The following RTEL1 variants were observed in gnomAD, a reference collection of about 807,000 sequenced individuals.
The protein encoded by RTEL1 is regulator of telomere length.
In RTEL1, 86 loss-of-function variants were observed where a neutral mutation model predicts 162.2. The ratio of observed to expected loss-of-function variants is 0.53; its 90% CI spans 0.45 to 0.63. The LOEUF is 0.63. Ranked by LOEUF, RTEL1 falls within the 30% of genes least tolerant of loss-of-function variation. The pLI, the probability that RTEL1 is intolerant of heterozygous loss-of-function variation, is 0.00. For synonymous variants in RTEL1, 958 were observed against 717.9 expected (o/e 1.33, Z -5.35); for missense variants, 1,941 against 1,750.2 (o/e 1.11, Z -1.95).
chr20:63,662,708 C>T (rs999812263), intron 5 of RTEL1, 81 bp downstream of exon 5: 14 of 1,603,416 alleles, frequency 8.7e-6, no homozygotes, highest in African/African-American at 2.7e-5. Context: ...GCTGCGCTCC[C>T]GCTGGGCTAG....
chr20:63,689,998 C>T, intron 24 of RTEL1, 89 bp from the exon 25 acceptor site: 1 of 1,566,844 alleles, frequency 6.4e-7, no homozygotes. Flanking sequence ...CAGCGTGGGG[C>T]CCCTGCAGCA....
chr20:63,685,170 G>C (rs2090563757), intron 14 of RTEL1, among the ~76,000 whole-genome samples: 1 of 151,886 alleles, frequency 6.6e-6, no homozygotes, highest in South Asian at 2.1e-4. Context: ...TTACAGGCCT[G>C]AGCCACTGCA....
chr20:63,688,886 G>A, intron 21 of RTEL1, 169 bp from the exon 22 acceptor site: 1 of 724,008 alleles, frequency 1.4e-6, no homozygotes. Context: ...GCACTGAGCA[G>A]GCGTGGGGTC....
rs150564915 is a variant in RTEL1, at chr20:63,692,836, G to C, written c.2684G>C (p.Arg895Thr). The change falls in exon 29 of 35, where the codon AGG becomes ACG. Residue 895 changes from arginine to threonine, a missense_variant. Transcript: ENST00000360203. ...CCCGTGGCTGGTGCACAGACGGACA[G>C]GGCCAAGCTCTTCATGGTGGCCGTG... is the stretch of plus-strand genomic sequence containing the variant. ...EEPVAGAQTDRAKLFMVAVKQ... is the reference protein window; with the variant it reads ...EEPVAGAQTDTAKLFMVAVKQ... The C allele has an allele frequency of 3.2e-5, 52 of 1,612,440 alleles. No homozygotes were observed. Among genetic ancestry groups the C allele is most frequent in the Middle Eastern group, 1.7e-4 (1 of 6,036 alleles).
rs537705210 is a variant in RTEL1 at position 63,687,533 on chromosome 20, T to C, written c.1349-105T>C. ...CCTGGGTGGCTGCCCGCGGCTCGCTTGCTTGATGCCAGTGGGTGGAGAGGG... is the reference window on the plus strand; with the variant it reads ...CCTGGGTGGCTGCCCGCGGCTCGCTCGCTTGATGCCAGTGGGTGGAGAGGG... On this transcript the variant is annotated intron_variant, in intron 16 of 34. Transcript: ENST00000360203. 16 of 1,310,418 alleles carry C rather than the reference T, an allele frequency of 1.2e-5. No homozygotes were observed. The East Asian group carries it at 3.0e-4, about 25-fold the overall frequency. 81.2% of individuals were successfully genotyped at this position (1,310,418 alleles called of 1,614,324 possible).
Position 63,680,867 on chromosome 20 carries a change from T to C in RTEL1, c.1191+148T>C, listed in dbSNP as rs1408117519. 4.7e-6 allele frequency: 7 copies of C among 1,488,766 alleles called. No individual in the cohort carries two copies. The East Asian group carries it at 1.7e-4, about 36-fold the overall frequency. The allele number at this position is 1,488,766 out of a possible 1,614,324, so 92.2% of individuals were successfully genotyped here. A position where few individuals can be genotyped will look rare whatever the true frequency, so the allele number is the denominator to read the frequency against. ...TTCTGATTGGCAAACTCTCGGCTCC[T>C]TTCCAGTGCCCTAAACCCACACTGG... On this transcript the variant is annotated intron_variant, in intron 14 of 34. Coordinates refer to ENST00000360203, the MANE Select transcript of RTEL1 (RefSeq NM_001283009.2).
In RTEL1 at chr20:63,690,186, G is replaced by C. The variant is rs763978487; in HGVS notation, c.2241G>C (p.Gln747His). 1 of 1,612,488 alleles carries C rather than the reference G, an allele frequency of 6.2e-7. No homozygotes were observed. Among genetic ancestry groups the C allele is most frequent in the Non-Finnish European group, 8.5e-7 (1 of 1,179,768 alleles). ...GCCATGTCATCCGAGACGTGGCCCAGTTCTTCCGTGTTGCCGAGCGAACTG... is the reference window on the plus strand; with the variant it reads ...GCCATGTCATCCGAGACGTGGCCCACTTCTTCCGTGTTGCCGAGCGAACTG... ...NFGHVIRDVA[Q>H]FFRVAERTMP... The change falls in exon 25 of 35, where the codon CAG becomes CAC. Residue 747 changes from glutamine (Q) to histidine (H), a missense_variant. Physicochemically the swap from Gln to His is conservative, Grantham distance 24. Coordinates refer to ENST00000360203, the MANE Select transcript of RTEL1 (RefSeq NM_001283009.2).
In RTEL1 at chr20:63,690,369, G is replaced by A. The variant is rs762616643; in HGVS notation, c.2341G>A (p.Gly781Ser). The change falls in exon 26 of 35, where the codon GGC becomes AGC. Residue 781 changes from glycine to serine, a missense_variant. Gly to Ser is a moderately conservative substitution (Grantham distance 56). Coordinates refer to ENST00000360203, the MANE Select transcript of RTEL1 (RefSeq NM_001283009.2). Reference sequence around the variant, plus strand: ...TGCTGTCAGCGAGGCCAAGTCGCCTGGCCCCTTCTTCTCCACCAGGAAAGC... The same window carrying A: ...TGCTGTCAGCGAGGCCAAGTCGCCTAGCCCCTTCTTCTCCACCAGGAAAGC... Reference protein sequence around the residue: ...EDAVSEAKSPGPFFSTRKAKS... With the variant: ...EDAVSEAKSPSPFFSTRKAKS... The A allele has an allele frequency of 3.1e-6, 5 of 1,611,822 alleles. No homozygotes were observed. The highest frequency in any genetic ancestry group is 4.2e-6 in the Non-Finnish European group (5 of 1,179,446).
At chr20:63,676,894 C>T (rs1257739984) in intron 10 of RTEL1, among the ~76,000 whole-genome samples, 2 of 128,876 alleles carry the variant, frequency 1.6e-5, no homozygotes, top group African/African-American at 6.3e-5. Flanking sequence ...GAGATCGCAC[C>T]ATTGCACTCC....
intron 8 of RTEL1, among the ~76,000 whole-genome samples, chr20:63,671,010 C>T (rs1263405204): frequency 6.6e-6 from 1 of 152,142 alleles, no homozygotes; most frequent in Non-Finnish European, 1.5e-5. Context: ...CGATGAGTCT[C>T]GGACATGCTA....
chr20:63,667,006 A>G (rs1227710966), intron 7 of RTEL1, among the ~76,000 whole-genome samples: 1 of 150,776 alleles, frequency 6.6e-6, no homozygotes, highest in Non-Finnish European at 1.5e-5. Context: ...CGTCTGGCTA[A>G]TTTTCTGTAT....
chr20:63,686,173 G>A (rs187880917), intron 16 of RTEL1: 13 of 482,180 alleles, frequency 2.7e-5, no homozygotes, highest in African/African-American at 5.9e-5. Flanking sequence ...TGCCGAGGCC[G>A]TCAGCACAGA....
intron 7 of RTEL1, among the ~76,000 whole-genome samples, chr20:63,666,609 C>T (rs2090133562): frequency 6.6e-6 from 1 of 152,172 alleles, no homozygotes; most frequent in Non-Finnish European, 1.5e-5. Flanking sequence ...AGTCTTGGCT[C>T]ACTGCAGCCT....
chr20:63,667,578 C>T (rs1195886782), intron 8 of RTEL1, 25 bp downstream of exon 8: 10 of 1,577,792 alleles, frequency 6.3e-6, no homozygotes, highest in East Asian at 2.2e-5. Flanking sequence ...CTGTAGCTGA[C>T]GACTCCTGAT....
chr20:63,690,494 G>GGGT, intron 26 of RTEL1, 53 bp downstream of exon 26: 1 of 1,336,830 alleles, frequency 7.5e-7, no homozygotes, highest in Non-Finnish European at 1.0e-6. Flanking sequence ...AGCGGGCGGC[G>GGGT]TGGGGCGGGC....
chr20:63,674,016 A>G lies in RTEL1; in HGVS notation c.842A>G (p.Gln281Arg). ...DLASGLDVID[Q>R]VLEEQTKAAQ... is the part of the protein sequence containing the mutation. ...GCTTCAGGACTGGACGTCATAGACC[A>G]GGTGCTGGAGGAGCAGACCAAGGCA... The change falls in exon 10 of 35, where the codon CAG becomes CGG. Residue 281 changes from glutamine (Q) to arginine (R), a missense_variant. Coordinates refer to ENST00000360203, the MANE Select transcript of RTEL1 (RefSeq NM_001283009.2). 6.2e-7 allele frequency: 1 copy of G among 1,614,138 alleles called. No homozygotes were observed. Among genetic ancestry groups the G allele is most frequent in the Non-Finnish European group, 8.5e-7 (1 of 1,180,026 alleles).
chr20:63,667,839 C>T (rs923977501), intron 8 of RTEL1, among the ~76,000 whole-genome samples: 1 of 152,080 alleles, frequency 6.6e-6, no homozygotes, highest in South Asian at 2.1e-4. Context: ...TTGATCCTGA[C>T]AGCTCAGGTT....
intron 14 of RTEL1, chr20:63,681,223 C>A: frequency 1.0e-6 from 1 of 985,448 alleles, no homozygotes; most frequent in Non-Finnish European, 1.2e-6. Flanking sequence ...CTGCAATGCC[C>A]GTCCCATGTG....
At chr20:63,664,646 T>A (rs2090088670) in intron 6 of RTEL1, among the ~76,000 whole-genome samples, 1 of 152,198 alleles carries the variant, frequency 6.6e-6, no homozygotes, top group Admixed American at 6.5e-5. Context: ...GGAGGTTGCC[T>A]AGCCGTGAAC....
Sources: gnomAD v4.1 joint callset for allele counts (sites outside exome capture counted in the v4.1 genomes callset) on GRCh38, gnomAD v4.1.1 for gene constraint, MANE v1.5 for transcripts, NCBI Gene and HGNC (gene_info 2026-07-23, HGNC 2026-07-21) for gene names.